The following SORL1 variants were observed in gnomAD, a reference collection of about 807,000 sequenced individuals.
SORL1 encodes the protein sortilin related receptor 1, also known as sortilin-related receptor.
In SORL1, 127 loss-of-function variants were observed where a neutral mutation model predicts 273.7. The ratio of observed to expected loss-of-function variants is 0.46; its 90% CI spans 0.40 to 0.54. SORL1 has a LOEUF of 0.54. Among genes scored for constraint, SORL1 ranks in the 20% least tolerant of loss-of-function variants. SORL1 has a pLI of 0.00. For synonymous variants in SORL1, 1,031 were observed against 1,067.4 expected, an observed-to-expected ratio of 0.97 and a Z score of 0.66; for missense variants, 2,494 against 2,846.1, an observed-to-expected ratio of 0.88 and a Z score of 2.81.
At chr11:121,540,532 A>AAAAAAAAAAAAAAAAAAAAAAAAAAAT (rs1439708247) in intron 12 of SORL1, among the ~76,000 whole-genome samples, 1 of 150,538 alleles carries the variant, frequency 6.6e-6, no homozygotes, top group Non-Finnish European at 1.5e-5. Context: ...CAAAAAAAAA[A>AAAAAAAAAAAAAAAAAAAAAAAAAAAT]AAAAGAATGC....
intron 11 of SORL1, among the ~76,000 whole-genome samples, chr11:121,524,903 C>T (rs1040588151): frequency 3.4e-5 from 5 of 147,810 alleles, no homozygotes; most frequent in African/African-American, 7.5e-5. Context: ...CTCAGAATTC[C>T]GTTTTTGTGC....
At chr11:121,475,037 G>A (rs1861241375) in intron 2 of SORL1, among the ~76,000 whole-genome samples, 1 of 152,142 alleles carries the variant, frequency 6.6e-6, no homozygotes, top group South Asian at 2.1e-4. Context: ...TGCGTAGATT[G>A]CTTGAGCTTA....
At chr11:121,522,771 G>T (rs916397706) in intron 10 of SORL1, 68 bp downstream of exon 10, 3 of 1,397,860 alleles carry the variant, frequency 2.1e-6, no homozygotes, top group Non-Finnish European at 2.0e-6. Flanking sequence ...AATGCAGAGC[G>T]ATCACCCACA....
intron 26 of SORL1, among the ~76,000 whole-genome samples, chr11:121,584,647 A>G (rs775345536): frequency 2.0e-5 from 3 of 151,730 alleles, no homozygotes; most frequent in Non-Finnish European, 2.9e-5. Context: ...GCTGGAGTAT[A>G]GTAGTATGAT....
rs1430805257 is a variant in SORL1, at chr11:121,630,188, T to C, written c.*625T>C. ...CCGGAAGCAATCCATTTTTATTCAC[T>C]TGTGTGTCATGTAATGGTCTTTGGC... On this transcript the variant is annotated 3_prime_UTR_variant, in exon 48 of 48. Transcript: ENST00000260197. The C allele has an allele frequency of 1.3e-5, 2 of 152,854 alleles. No individual in the cohort carries two copies. Among genetic ancestry groups the C allele is most frequent in the African/African-American group, 4.8e-5 (2 of 41,460 alleles). 9.5% of individuals were successfully genotyped at this position (152,854 alleles called of 1,614,324 possible).
Position 121,566,957 on chromosome 11 carries a change from C to T in SORL1, c.3067C>T (p.Pro1023Ser), listed in dbSNP as rs1214913510. The T allele has an allele frequency of 6.2e-7, 1 of 1,613,586 alleles. No homozygotes were observed. Among genetic ancestry groups the T allele is most frequent in the East Asian group, 2.2e-5 (1 of 44,844 alleles). The change falls in exon 22 of 48, where the codon CCC becomes TCC. Residue 1023 changes from proline to serine, a missense_variant. By Grantham distance (74) the Pro-to-Ser change is moderately conservative. Around this residue, in one of 3 missense-constraint regions of SORL1, gnomAD observed 1,609 missense variants for 1,816.4 expected, o/e 0.89. Transcript: ENST00000260197. The part of the protein sequence containing the change: ...GKNTGSNACV[P>S]RPCSLLCLPK... ...CCCTCCAGGAAGCAATGCCTGTGTGCCCAGGCCATGCAGCCTGCTGTGCCT... is the reference window on the plus strand; with the variant it reads ...CCCTCCAGGAAGCAATGCCTGTGTGTCCAGGCCATGCAGCCTGCTGTGCCT...
At chr11:121,507,412 G>C (rs969218641) in intron 6 of SORL1, among the ~76,000 whole-genome samples, 1 of 152,080 alleles carries the variant, frequency 6.6e-6, no homozygotes, top group Non-Finnish European at 1.5e-5. Flanking sequence ...TGTATGTCAG[G>C]ACACTTGATG....
Position 121,523,633 on chromosome 11 carries a change from T to C in SORL1, c.1596+644T>C, listed in dbSNP as rs569396172. ...ACTTGTAAAAAAAAAAAAAAGTTGT[T>C]GCCAGCCTCCCATTGATTAAGGCCA... On this transcript the variant is annotated intron_variant, in intron 11 of 47. Transcript: ENST00000260197. 4.9e-4 allele frequency among the ~76,000 whole-genome samples: 74 copies of C among 150,908 alleles called. 1 individual carries two copies. Among genetic ancestry groups the C allele is most frequent in the African/African-American group, 1.8e-3 (73 of 41,242 alleles).
At chr11:121,570,103 G>T in intron 22 of SORL1, 54 bp from the exon 23 acceptor site, 1 of 1,166,116 alleles carries the variant, frequency 8.6e-7, no homozygotes, top group South Asian at 1.3e-5. Flanking sequence ...CTGTGGTCCA[G>T]CAGTAAGAAT....
rs1863902153 is a variant in SORL1, at chr11:121,633,395, C to A, written c.*3832C>A. On this transcript the variant is annotated 3_prime_UTR_variant, in exon 48 of 48. Coordinates refer to ENST00000260197, the MANE Select transcript of SORL1 (RefSeq NM_003105.6). Reference sequence around the variant, plus strand: ...TATCCTCAAATATTCTATGTCACTTCTCATTTAAAGACTCTTGTTATGAAC... The same window carrying A: ...TATCCTCAAATATTCTATGTCACTTATCATTTAAAGACTCTTGTTATGAAC... The A allele has an allele frequency of 6.6e-6, 1 of 152,206 alleles. No homozygotes were observed. Among genetic ancestry groups the A allele is most frequent in the Non-Finnish European group, 1.5e-5 (1 of 68,036 alleles). 9.4% of individuals were successfully genotyped at this position (152,206 alleles called of 1,614,324 possible).
intron 26 of SORL1, 77 bp from the exon 27 acceptor site, chr11:121,586,145 A>T: frequency 8.7e-7 from 1 of 1,154,484 alleles, no homozygotes; most frequent in African/African-American, 1.5e-5. Flanking sequence ...ACCAGTGTGT[A>T]CTCCCGCCAG....
chr11:121,629,601 T>G lies in SORL1; in HGVS notation c.*38T>G. The G allele has an allele frequency of 3.0e-6, 3 of 1,005,362 alleles. No individual in the cohort carries two copies. Among genetic ancestry groups the G allele is most frequent in the Non-Finnish European group, 4.8e-6 (3 of 626,014 alleles). The allele number at this position is 1,005,362 out of a possible 1,614,324, so 62.3% of individuals were successfully genotyped here. A position where few individuals can be genotyped will look rare whatever the true frequency, so the allele number is the denominator to read the frequency against. On this transcript the variant is annotated 3_prime_UTR_variant, in exon 48 of 48. Coordinates refer to ENST00000260197, the MANE Select transcript of SORL1 (RefSeq NM_003105.6). ...CACTAGAAACCAAATGGTGTAAATA[T>G]TTTATTTGATAAAGATAGTTGATGG...
chr11:121,553,115 A>ATAAC (rs1370790457), intron 16 of SORL1, among the ~76,000 whole-genome samples: 2 of 152,212 alleles, frequency 1.3e-5, no homozygotes, highest in African/African-American at 4.8e-5. Flanking sequence ...TAGTGGTTAA[A>ATAAC]GCATAGACTC....
At chr11:121,496,311 G>C (rs957451716) in intron 5 of SORL1, among the ~76,000 whole-genome samples, 1 of 152,226 alleles carries the variant, frequency 6.6e-6, no homozygotes, top group Non-Finnish European at 1.5e-5. Context: ...GTTTGAGAAA[G>C]AGTTTGTGGA....
intron 32 of SORL1, among the ~76,000 whole-genome samples, chr11:121,600,687 G>A (rs1384908738): frequency 1.3e-5 from 2 of 152,098 alleles, no homozygotes; most frequent in South Asian, 2.1e-4. Context: ...TTATATCCAC[G>A]GTTTTTTTCC....
At chr11:121,603,050 G>T (rs1289024055) in intron 32 of SORL1, among the ~76,000 whole-genome samples, 1 of 152,178 alleles carries the variant, frequency 6.6e-6, no homozygotes, top group Non-Finnish European at 1.5e-5. Flanking sequence ...ACCAGAAAAG[G>T]GTCTCTGCTT....
At chr11:121,572,843 C>T (rs1172512692) in intron 23 of SORL1, among the ~76,000 whole-genome samples, 2 of 152,054 alleles carry the variant, frequency 1.3e-5, no homozygotes, top group East Asian at 3.9e-4. Flanking sequence ...TGCATTCATC[C>T]CCTGCCTCCC....
In SORL1 at chr11:121,589,306, T is replaced by C; in HGVS notation, c.3994T>C (p.Cys1332Arg). The C allele has an allele frequency of 6.2e-7, 1 of 1,613,832 alleles. No individual in the cohort carries two copies. Among genetic ancestry groups the C allele is most frequent in the East Asian group, 2.2e-5 (1 of 44,890 alleles). ...HKVCDEFGFQ[C>R]QNGVCISLIW... ...GGTATGTGATGAGTTCGGTTTCCAG[T>C]GTCAGAATGGAGTGTGCATCAGTTT... The change falls in exon 29 of 48, where the codon TGT (cysteine) becomes CGT (arginine). Residue 1332 changes from cysteine to arginine, a missense_variant. Cys to Arg is a radical substitution (Grantham distance 180). Coordinates refer to ENST00000260197, the MANE Select transcript of SORL1 (RefSeq NM_003105.6).
chr11:121,605,663 A>G lies in SORL1; in HGVS notation c.4948+92A>G, dbSNP rs557089004. On this transcript the variant is annotated intron_variant, in intron 35 of 47. Coordinates refer to ENST00000260197, the MANE Select transcript of SORL1 (RefSeq NM_003105.6). The stretch of plus-strand genomic sequence containing the variant: ...TGAGTATTCTCAGGAATGTGGGAAC[A>G]TATGTGTGCCTCACATGTACAGAAG... The G allele has an allele frequency of 1.6e-4, 160 of 1,015,978 alleles. 1 individual carries two copies. In the South Asian group the frequency reaches 2.2e-3, roughly 14 times the overall value. The allele number at this position is 1,015,978 out of a possible 1,614,324, so 62.9% of individuals were successfully genotyped here.
Sources: gnomAD v4.1 joint callset for allele counts (sites outside exome capture counted in the v4.1 genomes callset) on GRCh38, gnomAD v4.1.1 for gene constraint, gnomAD v4.1.1 regional missense constraint, MANE v1.5 for transcripts, NCBI Gene and HGNC (gene_info 2026-07-23, HGNC 2026-07-21) for gene names.